The following CDK14 variants were observed in gnomAD, a reference collection of about 807,000 sequenced individuals.
CDK14 encodes the protein cyclin dependent kinase 14, also known as cyclin-dependent kinase 14.
Under a neutral mutation model 60.7 loss-of-function variants are expected in CDK14, and 34 were observed. The ratio of observed to expected loss-of-function variants is 0.56; its 90% CI spans 0.43 to 0.75. The LOEUF (loss-of-function observed/expected upper bound fraction) is 0.75, where lower values mean the gene tolerates loss of function less well. Among genes scored for constraint, CDK14 ranks in the 30% least tolerant of loss-of-function variants. The probability of loss-of-function intolerance (pLI) is 0.00; values close to 1 mark genes in which losing one functional copy is unlikely to be tolerated. For missense variants in CDK14, 482 were observed against 564.1 expected (o/e 0.85, Z 1.47); for synonymous variants, 197 against 203.7 (o/e 0.97, Z 0.28).
At chr7:91,084,686 C>CTA (rs1258312210) in intron 12 of CDK14, among the ~76,000 whole-genome samples, 1 of 152,220 alleles carries the variant, frequency 6.6e-6, no homozygotes, top group African/African-American at 2.4e-5. Context: ...TATTTGTTAT[C>CTA]TGTTGGACAC....
At chr7:90,811,659 C>G (rs1440003802) in intron 5 of CDK14, among the ~76,000 whole-genome samples, 4 of 151,698 alleles carry the variant, frequency 2.6e-5, no homozygotes, top group Non-Finnish European at 5.9e-5. Context: ...GCAAAAGAAA[C>G]TATCATCAGA....
intron 9 of CDK14, among the ~76,000 whole-genome samples, chr7:90,968,616 C>A (rs1432192203): frequency 1.3e-5 from 2 of 152,048 alleles, no homozygotes; most frequent in Admixed American, 1.3e-4. Context: ...TTAAATGGTT[C>A]TTCCTTTATT....
chr7:90,651,088 A>G (rs184944273), intron 2 of CDK14, among the ~76,000 whole-genome samples: 22 of 152,278 alleles, frequency 1.4e-4, no homozygotes, highest in African/African-American at 4.8e-4. Flanking sequence ...CCTATCCATG[A>G]GCATGGAATG....
intron 2 of CDK14, chr7:90,632,320 G>A (rs1800020617): frequency 2.8e-5 from 9 of 324,422 alleles, no homozygotes; most frequent in Non-Finnish European, 6.4e-6. Context: ...CTCAGAGGCT[G>A]AATCAAGGAT....
chr7:90,886,492 G>A (rs1791950051), intron 6 of CDK14, among the ~76,000 whole-genome samples: 1 of 152,032 alleles, frequency 6.6e-6, no homozygotes, highest in Admixed American at 6.6e-5. Flanking sequence ...TTCAGCCCTC[G>A]CATAGGGAAA....
intron 2 of CDK14, among the ~76,000 whole-genome samples, chr7:90,628,631 G>A (rs1272924212): frequency 2.0e-5 from 3 of 151,976 alleles, no homozygotes; most frequent in Admixed American, 6.5e-5. Context: ...GACCAGCCTA[G>A]GCAACATAGT....
At chr7:90,891,000 T>A (rs961473240) in intron 6 of CDK14, among the ~76,000 whole-genome samples, 1 of 152,202 alleles carries the variant, frequency 6.6e-6, no homozygotes, top group Non-Finnish European at 1.5e-5. Context: ...CATGGGACAC[T>A]GGTAATGAAG....
At chr7:90,900,386 T>C (rs1249238889) in intron 7 of CDK14, among the ~76,000 whole-genome samples, 1 of 152,196 alleles carries the variant, frequency 6.6e-6, no homozygotes, top group Non-Finnish European at 1.5e-5. Flanking sequence ...CTTAAAAATG[T>C]GTAACCATTA....
chr7:90,636,712 C>T (rs1800159584), intron 2 of CDK14, among the ~76,000 whole-genome samples: 2 of 152,284 alleles, frequency 1.3e-5, no homozygotes, highest in South Asian at 4.1e-4. Flanking sequence ...AGGAATGGTA[C>T]CAGTTCCTCC....
chr7:90,761,296 A>C (rs1439850198), intron 4 of CDK14, among the ~76,000 whole-genome samples: 4 of 150,096 alleles, frequency 2.7e-5, no homozygotes, highest in African/African-American at 9.8e-5. Flanking sequence ...TATGTCAGCT[A>C]TGCCCATCTG....
intron 2 of CDK14, among the ~76,000 whole-genome samples, chr7:90,664,216 A>G (rs1206925958): frequency 6.6e-6 from 1 of 152,278 alleles, no homozygotes; most frequent in Non-Finnish European, 1.5e-5. Context: ...CATCAGAGAA[A>G]TGCAAATCAA....
intron 6 of CDK14, among the ~76,000 whole-genome samples, chr7:90,868,703 C>G (rs1791272697): frequency 6.6e-6 from 1 of 152,090 alleles, no homozygotes; most frequent in Non-Finnish European, 1.5e-5. Flanking sequence ...ACAAAGCACT[C>G]TTATAGATGT....
intron 9 of CDK14, among the ~76,000 whole-genome samples, chr7:90,975,771 A>G (rs896589184): frequency 3.3e-5 from 5 of 152,116 alleles, no homozygotes; most frequent in East Asian, 1.9e-4. Context: ...GCTTCCGTAT[A>G]TGAGTGAGAA....
intron 2 of CDK14, among the ~76,000 whole-genome samples, chr7:90,675,365 G>A (rs1327830499): frequency 6.7e-6 from 1 of 149,154 alleles, no homozygotes; most frequent in Non-Finnish European, 1.5e-5. Context: ...ATTTTCATTT[G>A]TTTGAATGCT....
At chr7:91,068,618 A>T (rs1798046678) in intron 11 of CDK14, among the ~76,000 whole-genome samples, 1 of 151,926 alleles carries the variant, frequency 6.6e-6, no homozygotes, top group South Asian at 2.1e-4. Flanking sequence ...TCACCAGCAG[A>T]TCTCACTTGT....
At chr7:90,698,226 T>C (rs1031542522) in intron 2 of CDK14, among the ~76,000 whole-genome samples, 2 of 152,158 alleles carry the variant, frequency 1.3e-5, no homozygotes, top group African/African-American at 2.4e-5. Flanking sequence ...AATTATACTG[T>C]TCTGGTACTA....
intron 2 of CDK14, among the ~76,000 whole-genome samples, chr7:90,659,875 C>CTGTGTG (rs149308809): frequency 7.8e-6 from 1 of 128,976 alleles, no homozygotes; most frequent in Non-Finnish European, 1.6e-5. Context: ...CTCTCTCTCT[C>CTGTGTG]TGTGTGTGTG....
chr7:90,914,659 A>G (rs1202853858), intron 7 of CDK14, among the ~76,000 whole-genome samples: 1 of 152,114 alleles, frequency 6.6e-6, no homozygotes, highest in Non-Finnish European at 1.5e-5. Flanking sequence ...TTTCTCTAGT[A>G]CTGCTTTTTA....
At chr7:90,797,158 G>A (rs1336160581) in intron 5 of CDK14, among the ~76,000 whole-genome samples, 1 of 151,738 alleles carries the variant, frequency 6.6e-6, no homozygotes, top group Non-Finnish European at 1.5e-5. Context: ...CCACAGCCTG[G>A]GTAGCTTAAA....
Sources: gnomAD v4.1 joint callset for allele counts (sites outside exome capture counted in the v4.1 genomes callset) on GRCh38, gnomAD v4.1.1 for gene constraint, MANE v1.5 for transcripts, NCBI Gene and HGNC (gene_info 2026-07-23, HGNC 2026-07-21) for gene names.